Variants in WWOX observed in about 807,000 individuals in gnomAD.
WWOX encodes WW domain-containing oxidoreductase.
A neutral mutation model predicts 46.2 loss-of-function variants in WWOX; 69 were observed. The ratio of observed to expected loss-of-function variants is 1.49; its 90% CI spans 1.23 to 1.82. WWOX has a LOEUF of 1.82. Among genes scored for constraint, WWOX ranks in the 40% most tolerant of loss-of-function variants. WWOX has a pLI of 0.00. For synonymous variants in WWOX, 359 were observed against 202.6 expected, an observed-to-expected ratio of 1.77 and a Z score of -6.56; for missense variants, 919 against 542.6, an observed-to-expected ratio of 1.69 and a Z score of -6.89.
At chr16:78,813,609 G>C (rs2051255076) in intron 8 of WWOX, among the ~76,000 whole-genome samples, 2 of 152,130 alleles carry the variant, frequency 1.3e-5, no homozygotes, top group South Asian at 4.1e-4. Context: ...GCTCCTGTGT[G>C]TGTGTTCATC....
At chr16:78,749,479 A>G (rs755907630) in intron 8 of WWOX, among the ~76,000 whole-genome samples, 17 of 152,236 alleles carry the variant, frequency 1.1e-4, no homozygotes, top group South Asian at 2.1e-4. Context: ...TGGTGATAGA[A>G]TATTAAATCA....
chr16:78,794,960 A>G (rs1049021009), intron 8 of WWOX, among the ~76,000 whole-genome samples: 2 of 152,334 alleles, frequency 1.3e-5, no homozygotes, highest in South Asian at 2.1e-4. Flanking sequence ...AATTAATGTT[A>G]TCATCATCAC....
At chr16:78,650,560 C>A (rs2046944459) in intron 8 of WWOX, among the ~76,000 whole-genome samples, 1 of 152,150 alleles carries the variant, frequency 6.6e-6, no homozygotes, top group South Asian at 2.1e-4. Flanking sequence ...CCTGCAAATG[C>A]ATTTTTCATG....
Position 78,422,844 on chromosome 16 carries a change from T to G in WWOX, c.606-2026T>G, listed in dbSNP as rs199758754. ...ACACACACATATATATATATACATA[T>G]ACACACACACACACACACACACACA... On this transcript the variant is annotated intron_variant, in intron 6 of 8. Transcript: ENST00000566780. 7.8e-4 allele frequency among the ~76,000 whole-genome samples: 82 copies of G among 105,114 alleles called. 4 individuals carry two copies. The highest frequency in any genetic ancestry group is 3.8e-3 in the African/African-American group (78 of 20,450). 69.0% of individuals were successfully genotyped at this position (105,114 alleles called of 152,430 possible).
At chr16:78,720,410 C>G (rs117409616) in intron 8 of WWOX, among the ~76,000 whole-genome samples, 1,937 of 149,346 alleles carry the variant, frequency 0.013, 19 homozygotes, top group South Asian at 0.035. Context: ...AACACGAAAA[C>G]TAAAAACTTA....
At chr16:78,393,297 T>C (rs2082214781) in intron 6 of WWOX, among the ~76,000 whole-genome samples, 2 of 152,218 alleles carry the variant, frequency 1.3e-5, no homozygotes, top group South Asian at 4.1e-4. Context: ...GTGCATATTT[T>C]GAACAGGGCC....
intron 8 of WWOX, among the ~76,000 whole-genome samples, chr16:78,660,396 T>A (rs373187588): frequency 6.6e-6 from 1 of 152,152 alleles, no homozygotes; most frequent in Admixed American, 6.5e-5. Flanking sequence ...GACATTGATA[T>A]GCTTCCTGAG....
At chr16:79,006,422 T>C (rs2047192010) in intron 8 of WWOX, among the ~76,000 whole-genome samples, 1 of 151,752 alleles carries the variant, frequency 6.6e-6, no homozygotes, top group Non-Finnish European at 1.5e-5. Context: ...AACAAGGGCA[T>C]CAGGTGCCAG....
At chr16:78,154,240 C>T (rs1368102654) in intron 4 of WWOX, among the ~76,000 whole-genome samples, 1 of 152,126 alleles carries the variant, frequency 6.6e-6, no homozygotes, top group Admixed American at 6.5e-5. Context: ...TAAGAGGGCA[C>T]CTCGTCCATT....
intron 8 of WWOX, among the ~76,000 whole-genome samples, chr16:78,621,628 A>C (rs1169383079): frequency 3.9e-5 from 1 of 25,778 alleles, no homozygotes; most frequent in African/African-American, 1.5e-4. Flanking sequence ...TTTTTGAGAC[A>C]GAGTCTTGCT....
At chr16:78,705,023 C>G (rs2048302675) in intron 8 of WWOX, among the ~76,000 whole-genome samples, 1 of 151,412 alleles carries the variant, frequency 6.6e-6, no homozygotes, top group Non-Finnish European at 1.5e-5. Context: ...AACATTGCTT[C>G]TAAGGTAAGG....
At chr16:78,848,770 C>CA (rs955868098) in intron 8 of WWOX, among the ~76,000 whole-genome samples, 21 of 150,800 alleles carry the variant, frequency 1.4e-4, no homozygotes, top group African/African-American at 5.1e-4. Flanking sequence ...ATGAGATTCC[C>CA]AAAATAGACG....
rs538535743 is a variant in WWOX, at chr16:78,449,626, T to C, written c.1056+16874T>C. 4.6e-5 allele frequency among the ~76,000 whole-genome samples: 7 copies of C among 152,324 alleles called. No individual in the cohort carries two copies. In the South Asian group the frequency reaches 1.5e-3, roughly 32 times the overall value. ...CCTTTCGTCATCCTTTTCTTCCCTCTTTCTGGACTGAGAGAGGCACCAAAT... is the reference window on the plus strand; with the variant it reads ...CCTTTCGTCATCCTTTTCTTCCCTCCTTCTGGACTGAGAGAGGCACCAAAT... On this transcript the variant is annotated intron_variant, in intron 8 of 8. Coordinates refer to ENST00000566780, the MANE Select transcript of WWOX (RefSeq NM_016373.4).
chr16:79,008,441 A>T (rs1477375102), intron 8 of WWOX, among the ~76,000 whole-genome samples: 1 of 152,052 alleles, frequency 6.6e-6, no homozygotes, highest in Non-Finnish European at 1.5e-5. Context: ...TGGTAGCCTA[A>T]CTCACTCAGG....
At chr16:78,507,790 G>T (rs567654095) in intron 8 of WWOX, among the ~76,000 whole-genome samples, 1 of 152,238 alleles carries the variant, frequency 6.6e-6, no homozygotes, top group African/African-American at 2.4e-5. Context: ...TCAGCATCCT[G>T]CCTTGATTAA....
chr16:78,395,060 C>G (rs1387739405), intron 6 of WWOX, among the ~76,000 whole-genome samples: 2 of 152,144 alleles, frequency 1.3e-5, no homozygotes, highest in African/African-American at 4.8e-5. Context: ...GAGCCTGGGG[C>G]TATTGGTAAT....
intron 8 of WWOX, among the ~76,000 whole-genome samples, chr16:78,844,395 G>A (rs1030391032): frequency 2.6e-5 from 4 of 152,094 alleles, no homozygotes; most frequent in African/African-American, 9.7e-5. Flanking sequence ...TTATTTTCCT[G>A]CCGTGTGGTA....
At chr16:78,866,068 A>G (rs985108375) in intron 8 of WWOX, among the ~76,000 whole-genome samples, 6 of 152,230 alleles carry the variant, frequency 3.9e-5, no homozygotes, top group Non-Finnish European at 5.9e-5. Context: ...CAAGGTGCAG[A>G]TTCTAGTTGG....
intron 8 of WWOX, among the ~76,000 whole-genome samples, chr16:78,461,152 G>T (rs1254687611): frequency 6.6e-6 from 1 of 152,140 alleles, no homozygotes; most frequent in African/African-American, 2.4e-5. Flanking sequence ...AAAATGAATT[G>T]TGGATACAGA....
Sources: gnomAD v4.1 joint callset for allele counts (sites outside exome capture counted in the v4.1 genomes callset) on GRCh38, gnomAD v4.1.1 for gene constraint, MANE v1.5 for transcripts, NCBI Gene and HGNC (gene_info 2026-07-23, HGNC 2026-07-21) for gene names.